WWOX: variants seen among roughly 807,000 people sequenced by gnomAD.
WWOX encodes WW domain-containing oxidoreductase.
Under a neutral mutation model 46.2 loss-of-function variants are expected in WWOX, and 69 were observed. The observed-to-expected ratio is 1.49, with a 90% CI of 1.23 to 1.82. The LOEUF is 1.82. Ranked by LOEUF, WWOX falls within the 40% of genes most tolerant of loss-of-function variation. The probability of loss-of-function intolerance (pLI) is 0.00; values close to 1 mark genes in which losing one functional copy is unlikely to be tolerated. For synonymous variants in WWOX, 359 were observed against 202.6 expected (o/e 1.77, Z -6.56); for missense variants, 919 against 542.6 (o/e 1.69, Z -6.89).
chr16:78,622,523 CAA>C (rs370960262), intron 8 of WWOX, among the ~76,000 whole-genome samples: 1 of 145,028 alleles, frequency 6.9e-6, no homozygotes, highest in African/African-American at 2.6e-5. Flanking sequence ...GCCTGGGTGA[CAA>C]GAGTGAAACT....
intron 8 of WWOX, among the ~76,000 whole-genome samples, chr16:78,648,128 T>C (rs931971691): frequency 6.6e-6 from 1 of 152,214 alleles, no homozygotes; most frequent in African/African-American, 2.4e-5. Flanking sequence ...AGGAATTATG[T>C]TGAAAGGTGA....
intron 8 of WWOX, among the ~76,000 whole-genome samples, chr16:78,916,873 A>C (rs1399991632): frequency 6.6e-6 from 1 of 152,194 alleles, no homozygotes; most frequent in East Asian, 1.9e-4. Flanking sequence ...TGTTCATTCA[A>C]ACAGGCTTAA....
intron 5 of WWOX, among the ~76,000 whole-genome samples, chr16:78,175,472 C>T (rs2035311584): frequency 6.6e-6 from 1 of 152,168 alleles, no homozygotes; most frequent in South Asian, 2.1e-4. Flanking sequence ...GGTATGACTC[C>T]TGAGGTAGGT....
At chr16:78,432,801 C>T (rs1220387991) in intron 8 of WWOX, 49 bp downstream of exon 8, 1 of 1,613,428 alleles carries the variant, frequency 6.2e-7, no homozygotes, top group Non-Finnish European at 8.5e-7. Context: ...CCTAGAGAAA[C>T]CTGCACACTT....
intron 8 of WWOX, among the ~76,000 whole-genome samples, chr16:79,134,548 C>A (rs879044439): frequency 6.6e-6 from 1 of 152,150 alleles, no homozygotes; most frequent in African/African-American, 2.4e-5. Flanking sequence ...GGGGCCTCTT[C>A]CTCATTGCTG....
At chr16:78,368,311 C>G (rs995973881) in intron 5 of WWOX, among the ~76,000 whole-genome samples, 5 of 152,160 alleles carry the variant, frequency 3.3e-5, no homozygotes, top group Admixed American at 1.3e-4. Context: ...ACAGGTGATA[C>G]TTAAGTTAAC....
chr16:78,789,269 T>C (rs767247406), intron 8 of WWOX, among the ~76,000 whole-genome samples: 8 of 152,242 alleles, frequency 5.3e-5, no homozygotes, highest in Non-Finnish European at 1.2e-4. Context: ...TCTCAGACTT[T>C]TATAGTTTTA....
intron 8 of WWOX, among the ~76,000 whole-genome samples, chr16:78,918,510 C>G (rs148978088): frequency 6.6e-6 from 1 of 152,224 alleles, no homozygotes; most frequent in Non-Finnish European, 1.5e-5. Flanking sequence ...TGAATGTGTT[C>G]AGAGGTCTCT....
chr16:79,190,541 C>A (rs542047268), intron 8 of WWOX, among the ~76,000 whole-genome samples: 16 of 152,146 alleles, frequency 1.1e-4, no homozygotes, highest in African/African-American at 3.9e-4. Flanking sequence ...ATTCACTTCA[C>A]GTTTCCAACT....
In WWOX at chr16:78,220,645, G is replaced by A. The variant is rs77064393; in HGVS notation, c.516+56356G>A. Among the ~76,000 whole-genome samples, 2,189 of 152,222 alleles carry A rather than the reference G, an allele frequency of 0.014. 164 individuals are homozygous for A. In the East Asian group the frequency reaches 0.24, roughly 17 times the overall value. On this transcript the variant is annotated intron_variant, in intron 5 of 8. Coordinates refer to ENST00000566780, the MANE Select transcript of WWOX (RefSeq NM_016373.4). Reference sequence around the variant, plus strand: ...TTTGAAATATGCTTAATGTTGTCTTGTGTAAGACAAAAAGTTTAGGGACAA... The same window carrying A: ...TTTGAAATATGCTTAATGTTGTCTTATGTAAGACAAAAAGTTTAGGGACAA...
At chr16:78,551,106 G>A (rs1052582204) in intron 8 of WWOX, 8 of 151,896 alleles carry the variant, frequency 5.3e-5, no homozygotes, top group African/African-American at 1.5e-4. Context: ...AACAAATATC[G>A]TGAATATATT....
chr16:79,110,941 T>C (rs1451024249), intron 8 of WWOX: 1 of 152,252 alleles, frequency 6.6e-6, no homozygotes, highest in Non-Finnish European at 1.5e-5. Flanking sequence ...GCACAAGGCC[T>C]TAATTCTTCT....
At chr16:78,457,584 C>T (rs2083849313) in intron 8 of WWOX, among the ~76,000 whole-genome samples, 1 of 151,838 alleles carries the variant, frequency 6.6e-6, no homozygotes, top group Non-Finnish European at 1.5e-5. Context: ...TCTGCATTTA[C>T]AACATTTGTG....
chr16:78,454,735 G>C (rs1461548695), intron 8 of WWOX, among the ~76,000 whole-genome samples: 2 of 152,128 alleles, frequency 1.3e-5, no homozygotes, highest in East Asian at 3.9e-4. Flanking sequence ...AACGTCAGGT[G>C]ATCCATCCTC....
At chr16:79,008,423 C>G (rs76984594) in intron 8 of WWOX, among the ~76,000 whole-genome samples, 1,995 of 152,272 alleles carry the variant, frequency 0.013, 12 homozygotes, top group Middle Eastern at 0.045. Flanking sequence ...AATTCCTCCC[C>G]CTTTGCTTGG....
At chr16:79,005,877 C>T (rs2047179895) in intron 8 of WWOX, among the ~76,000 whole-genome samples, 1 of 152,176 alleles carries the variant, frequency 6.6e-6, no homozygotes, top group Admixed American at 6.5e-5. Flanking sequence ...AAGAGAGAAA[C>T]TCAACCTTGG....
At chr16:79,045,072 T>A (rs2048040289) in intron 8 of WWOX, among the ~76,000 whole-genome samples, 1 of 152,326 alleles carries the variant, frequency 6.6e-6, no homozygotes, top group African/African-American at 2.4e-5. Context: ...CTCCTGTCAA[T>A]CTCTCCAAAT....
At chr16:78,716,912 C>A (rs76039201) in intron 8 of WWOX, among the ~76,000 whole-genome samples, 34 of 152,290 alleles carry the variant, frequency 2.2e-4, no homozygotes, top group African/African-American at 7.7e-4. Flanking sequence ...ATCTTATTTT[C>A]AGTTTCAAAA....
chr16:78,596,169 C>G (rs939742761), intron 8 of WWOX, among the ~76,000 whole-genome samples: 2 of 151,688 alleles, frequency 1.3e-5, no homozygotes, highest in African/African-American at 4.8e-5. Flanking sequence ...ACGATATTAT[C>G]TTTTGAGTGA....
Sources: gnomAD v4.1 joint callset for allele counts (sites outside exome capture counted in the v4.1 genomes callset) on GRCh38, gnomAD v4.1.1 for gene constraint, MANE v1.5 for transcripts, NCBI Gene and HGNC (gene_info 2026-07-23, HGNC 2026-07-21) for gene names.